SYNE3: variants seen among roughly 807,000 people sequenced by gnomAD.
SYNE3 encodes spectrin repeat containing nuclear envelope family member 3, also known as nesprin-3.
A neutral mutation model predicts 111.2 loss-of-function variants in SYNE3; 100 were observed. The ratio of observed to expected loss-of-function variants is 0.90; its 90% confidence interval spans 0.77 to 1.06. The LOEUF is 1.06. SYNE3 is among the 50% of genes least tolerant of loss of function. SYNE3 has a pLI of 0.00. For missense variants in SYNE3, 1,160 were observed against 1,240.3 expected, an observed-to-expected ratio of 0.94 and a Z score of 0.97; for synonymous variants, 547 against 533.9, an observed-to-expected ratio of 1.02 and a Z score of -0.34.
intron 17 of SYNE3, among the ~76,000 whole-genome samples, chr14:95,421,864 C>T (rs1885145325): frequency 6.6e-6 from 1 of 152,226 alleles, no homozygotes; most frequent in African/African-American, 2.4e-5. Context: ...GTCTGGAATG[C>T]TCATTGCCCT....
intron 1 of SYNE3, among the ~76,000 whole-genome samples, chr14:95,513,293 G>C (rs7151087): frequency 0.071 from 10,807 of 152,068 alleles, 1,283 homozygotes; most frequent in African/African-American, 0.25. Flanking sequence ...GCTTAGTTTG[G>C]TTGTGTTTTG....
At chr14:95,456,102 G>A (rs118055876) in intron 5 of SYNE3, 1 of 338,006 alleles carries the variant, frequency 3.0e-6, no homozygotes, top group East Asian at 4.6e-5. Flanking sequence ...TATTTGTGTG[G>A]TTATCTACCT....
chr14:95,490,214 C>T (rs545719863), intron 1 of SYNE3, among the ~76,000 whole-genome samples: 4 of 152,346 alleles, frequency 2.6e-5, no homozygotes, highest in South Asian at 2.1e-4. Context: ...GGACTATCAC[C>T]GTCATCTCTT....
chr14:95,419,999 C>G (rs1264891260), intron 17 of SYNE3, among the ~76,000 whole-genome samples: 3 of 31,076 alleles, frequency 9.7e-5, no homozygotes, highest in Non-Finnish European at 2.1e-4. Flanking sequence ...TGTCTCTCTA[C>G]CTCTCCTCTC....
intron 1 of SYNE3, among the ~76,000 whole-genome samples, chr14:95,492,660 G>A (rs749841186): frequency 2.0e-5 from 3 of 152,148 alleles, no homozygotes; most frequent in Non-Finnish European, 4.4e-5. Context: ...GGTTCTGTTG[G>A]AGGTAGTAAG....
intron 7 of SYNE3, 30 bp from the exon 8 acceptor site, chr14:95,450,135 G>A: frequency 3.9e-6 from 6 of 1,556,758 alleles, no homozygotes; most frequent in South Asian, 1.2e-5. Flanking sequence ...AGAAAATGAG[G>A]GAGGAGAGAG....
chr14:95,490,374 C>T (rs1229732080), intron 1 of SYNE3, among the ~76,000 whole-genome samples: 1 of 152,222 alleles, frequency 6.6e-6, no homozygotes, highest in African/African-American at 2.4e-5. Flanking sequence ...AGCTGGAGAC[C>T]TTGGCAGGAG....
At chr14:95,466,314 C>A in intron 3 of SYNE3, 74 bp from the exon 4 acceptor site, 1 of 1,483,164 alleles carries the variant, frequency 6.7e-7, no homozygotes. Flanking sequence ...TGTGCTGTCA[C>A]CCCCTCCCCA....
At chr14:95,489,306 G>C (rs1889718930) in intron 1 of SYNE3, among the ~76,000 whole-genome samples, 1 of 152,224 alleles carries the variant, frequency 6.6e-6, no homozygotes, top group South Asian at 2.1e-4. Context: ...ACAGATTCCT[G>C]TGTAGGGCCT....
Position 95,412,426 on chromosome 14 carries a change from T to C in SYNE3, c.*5400A>G, listed in dbSNP as rs11626739. On this transcript the variant is annotated 3_prime_UTR_variant, in exon 18 of 18. Transcript: ENST00000682763. ...CCCTGAGGGCAGGGACTGGGCTTTG[T>C]TCACCCCGAATCTCCCAGCACAAAG... 0.72 allele frequency: 109,174 copies of C among 152,204 alleles called. 39,405 individuals are homozygous for C. Among genetic ancestry groups the C allele is most frequent in the Non-Finnish European group, 0.76 (51,712 of 68,036 alleles). 9.4% of individuals were successfully genotyped at this position (152,204 alleles called of 1,614,324 possible). A position where few individuals can be genotyped will look rare whatever the true frequency, so the allele number is the denominator to read the frequency against.
intron 11 of SYNE3, among the ~76,000 whole-genome samples, chr14:95,441,490 C>A (rs1886412939): frequency 6.6e-6 from 1 of 152,098 alleles, no homozygotes; most frequent in African/African-American, 2.4e-5. Flanking sequence ...CACTGGGTAC[C>A]AAAATAATAA....
intron 1 of SYNE3, among the ~76,000 whole-genome samples, chr14:95,502,405 C>T (rs942454730): frequency 1.3e-5 from 2 of 152,038 alleles, no homozygotes; most frequent in African/African-American, 2.4e-5. Context: ...ACGGGACAGC[C>T]GCCTACAGCC....
In SYNE3 at chr14:95,424,210, A is replaced by G. The variant is rs61981404; in HGVS notation, c.2728-6184T>C. 4.4e-3 allele frequency among the ~76,000 whole-genome samples: 673 copies of G among 152,164 alleles called. 6 individuals are homozygous for G. The highest frequency in any genetic ancestry group is 0.015 in the South Asian group (71 of 4,816). ...CCTATGAGACGGTGCAGAAAGCCAC[A>G]GGTGTGAGAGGAGATGCCAAGGAGA... On this transcript the variant is annotated intron_variant, in intron 17 of 17. Coordinates refer to ENST00000682763, the MANE Select transcript of SYNE3 (RefSeq NM_152592.6).
chr14:95,460,866 G>GA (rs1887763855), intron 4 of SYNE3, among the ~76,000 whole-genome samples: 1 of 152,240 alleles, frequency 6.6e-6, no homozygotes, highest in Admixed American at 6.5e-5. Flanking sequence ...ATGCAGCCGG[G>GA]AGTGAACTCT....
intron 1 of SYNE3, among the ~76,000 whole-genome samples, chr14:95,482,194 G>A (rs745826868): frequency 1.3e-5 from 2 of 150,272 alleles, no homozygotes; most frequent in Non-Finnish European, 2.9e-5. Context: ...AACACTTTGG[G>A]AGGTCAAGGC....
intron 1 of SYNE3, among the ~76,000 whole-genome samples, chr14:95,496,434 T>A (rs1246088207): frequency 6.6e-6 from 1 of 152,252 alleles, no homozygotes; most frequent in Non-Finnish European, 1.5e-5. Flanking sequence ...CATTTATGAA[T>A]GTCCTGTGGG....
chr14:95,427,601 G>A (rs1377373019), intron 17 of SYNE3, among the ~76,000 whole-genome samples: 2 of 151,996 alleles, frequency 1.3e-5, no homozygotes, highest in Admixed American at 1.3e-4. Context: ...CTCTCTCTCT[G>A]CCTTGGCTGC....
intron 1 of SYNE3, among the ~76,000 whole-genome samples, chr14:95,483,558 C>A (rs1386556818): frequency 2.0e-5 from 3 of 152,092 alleles, no homozygotes; most frequent in Admixed American, 1.3e-4. Flanking sequence ...GGAGGTTGCA[C>A]CAAGAGGATA....
chr14:95,419,671 G>C (rs975510746), intron 17 of SYNE3, among the ~76,000 whole-genome samples: 2 of 140,728 alleles, frequency 1.4e-5, no homozygotes, highest in African/African-American at 5.3e-5. Flanking sequence ...GATGCTTGAT[G>C]ATGGTGGTGA....
Sources: gnomAD v4.1 joint callset for allele counts (sites outside exome capture counted in the v4.1 genomes callset) on GRCh38, gnomAD v4.1.1 for gene constraint, MANE v1.5 for transcripts, NCBI Gene and HGNC (gene_info 2026-07-23, HGNC 2026-07-21) for gene names.